ZFAND5: variants seen among roughly 807,000 people sequenced by gnomAD.
The protein encoded by ZFAND5 is AN1-type zinc finger protein 5.
Under a neutral mutation model 23.6 loss-of-function variants are expected in ZFAND5, and 4 were observed. The observed-to-expected ratio is 0.17, with a 90% CI of 0.08 to 0.39. The LOEUF (loss-of-function observed/expected upper bound fraction) is 0.39, where lower values mean the gene tolerates loss of function less well. Ranked by LOEUF, ZFAND5 falls within the 10% of genes least tolerant of loss-of-function variation. The pLI is 1.00. For missense variants in ZFAND5, 161 were observed against 253.7 expected (o/e 0.63, Z 2.48); for synonymous variants, 68 against 80.6 (o/e 0.84, Z 0.84).
At chr9:72,357,746 G>T (rs1841985171) in intron 5 of ZFAND5, among the ~76,000 whole-genome samples, 1 of 152,034 alleles carries the variant, frequency 6.6e-6, no homozygotes, top group South Asian at 2.1e-4. Flanking sequence ...TCCACAGGCA[G>T]AACAAGAATC....
chr9:72,356,713 G>A (rs966607840), intron 6 of ZFAND5, among the ~76,000 whole-genome samples: 2 of 152,052 alleles, frequency 1.3e-5, no homozygotes, highest in African/African-American at 4.8e-5. Flanking sequence ...TAAAATAAGA[G>A]GGCCTGAGTT....
rs12006111 is a variant in ZFAND5, at chr9:72,364,681, C to T, written c.-147+15G>A. ...CAAGGAGCCCGGCTCCCACCCGCAG[C>T]CCCGTATCACTCACCCTGCAGGGTC... On this transcript the variant is annotated intron_variant, in intron 1 of 6. Coordinates refer to ENST00000376962, the MANE Select transcript of ZFAND5 (RefSeq NM_001102420.3). 4,918 of 1,051,374 alleles carry T rather than the reference C, an allele frequency of 4.7e-3. 171 individuals are homozygous for T. The African/African-American group carries it at 0.076, about 16-fold the overall frequency. 65.1% of individuals were successfully genotyped at this position (1,051,374 alleles called of 1,614,324 possible).
chr9:72,362,888 A>G (rs527294327), intron 2 of ZFAND5, among the ~76,000 whole-genome samples: 1 of 152,338 alleles, frequency 6.6e-6, no homozygotes, highest in East Asian at 1.9e-4. Flanking sequence ...AGCCTAGTCA[A>G]CAGGGGCCTC....
chr9:72,362,497 G>C, intron 2 of ZFAND5, among the ~76,000 whole-genome samples: 1 of 151,666 alleles, frequency 6.6e-6, no homozygotes. Context: ...AAGGCCAAGC[G>C]ATCAACCTAC....
chr9:72,361,854 A>T (rs1842113716), intron 2 of ZFAND5, among the ~76,000 whole-genome samples: 1 of 152,242 alleles, frequency 6.6e-6, no homozygotes, highest in African/African-American at 2.4e-5. Context: ...TACAAAAAGC[A>T]TATTTGAGAG....
chr9:72,363,533 C>T lies in ZFAND5; in HGVS notation c.-73G>A. On this transcript the variant is annotated 5_prime_UTR_variant, in exon 2 of 7. Transcript: ENST00000376962. ...ACTAAGTCAGTGACCTTGGGCAAGT[C>T]CTTACTTTCCAGATTTCAGTTCCCT... is the stretch of plus-strand genomic sequence containing the variant. The T allele has an allele frequency of 1.3e-6, 1 of 767,590 alleles. No individual in the cohort carries two copies. Among genetic ancestry groups the T allele is most frequent in the Non-Finnish European group, 1.6e-6 (1 of 630,790 alleles). 47.5% of individuals were successfully genotyped at this position (767,590 alleles called of 1,614,324 possible).
In ZFAND5 at chr9:72,352,179, G is replaced by A. The variant is rs1048946620; in HGVS notation, c.*3774C>T. ...ACAAAAAACATTAGCCAGGTGTGGT[G>A]ACGGGTGCCTGTAGTCCCAACTACT... On this transcript the variant is annotated 3_prime_UTR_variant, in exon 7 of 7. Transcript: ENST00000376962. 3.9e-5 allele frequency: 6 copies of A among 152,118 alleles called. No individual in the cohort carries two copies. Among genetic ancestry groups the A allele is most frequent in the African/African-American group, 1.4e-4 (6 of 41,404 alleles). The allele number at this position is 152,118 out of a possible 1,614,324, so 9.4% of individuals were successfully genotyped here. A position where few individuals can be genotyped will look rare whatever the true frequency, so the allele number is the denominator to read the frequency against.
At chr9:72,364,545 G>T in intron 1 of ZFAND5, 151 bp downstream of exon 1, 1 of 1,275,244 alleles carries the variant, frequency 7.8e-7, no homozygotes. Flanking sequence ...TGTGCTTCCT[G>T]GGCTGGCGGG....
chr9:72,355,907 T>C lies in ZFAND5; in HGVS notation c.*46A>G. On this transcript the variant is annotated 3_prime_UTR_variant, in exon 7 of 7. Transcript: ENST00000376962. ...TCTGCTCTTTAATGTTTTCCTACGA[T>C]ATATTAAAATAAAAACAAAGTTTCA... The C allele has an allele frequency of 6.4e-7, 1 of 1,558,398 alleles. No homozygotes were observed. Among genetic ancestry groups the C allele is most frequent in the Non-Finnish European group, 8.7e-7 (1 of 1,151,876 alleles).
At position 72,355,259 on chromosome 9, in the gene ZFAND5, T is replaced by C. The variant is rs1841910187; in HGVS notation, c.*694A>G. On this transcript the variant is annotated 3_prime_UTR_variant, in exon 7 of 7. Coordinates refer to ENST00000376962, the MANE Select transcript of ZFAND5 (RefSeq NM_001102420.3). ...TTTAGCAATGAGTAATGCAGACATCTTCTGGTGCAGGCCAGTACAATAAGC... is the reference window on the plus strand; with the variant it reads ...TTTAGCAATGAGTAATGCAGACATCCTCTGGTGCAGGCCAGTACAATAAGC... The C allele has an allele frequency of 1.3e-5, 2 of 152,800 alleles. No homozygotes were observed. Among genetic ancestry groups the C allele is most frequent in the East Asian group, 3.9e-4 (2 of 5,192 alleles). The allele number at this position is 152,800 out of a possible 1,614,324, so 9.5% of individuals were successfully genotyped here. A position where few individuals can be genotyped will look rare whatever the true frequency, so the allele number is the denominator to read the frequency against.
At position 72,352,348 on chromosome 9, in the gene ZFAND5, C is replaced by T. The variant is rs1369792243; in HGVS notation, c.*3605G>A. On this transcript the variant is annotated 3_prime_UTR_variant, in exon 7 of 7. Coordinates refer to ENST00000376962, the MANE Select transcript of ZFAND5 (RefSeq NM_001102420.3). ...AAACAAAAACAGACAAGAGTCAAAT[C>T]AAGTCTTTGTACATATTCAAATATT... 1 of 152,106 alleles carries T rather than the reference C, an allele frequency of 6.6e-6. No homozygotes were observed. Among genetic ancestry groups the T allele is most frequent in the African/African-American group, 2.4e-5 (1 of 41,426 alleles). The allele number at this position is 152,106 out of a possible 1,614,324, so 9.4% of individuals were successfully genotyped here. A position where few individuals can be genotyped will look rare whatever the true frequency, so the allele number is the denominator to read the frequency against.
At chr9:72,357,113 C>A in intron 5 of ZFAND5, 57 bp from the exon 6 acceptor site, 3 of 1,572,262 alleles carry the variant, frequency 1.9e-6, no homozygotes, top group East Asian at 2.3e-5. Flanking sequence ...ATTTTTAAGT[C>A]AAAAAAGGAA....
Position 72,352,573 on chromosome 9 carries a change from C to G in ZFAND5, c.*3380G>C, listed in dbSNP as rs1354138592. On this transcript the variant is annotated 3_prime_UTR_variant, in exon 7 of 7. Transcript: ENST00000376962. ...ATCTTGCTATTATTAGATTATTTCC[C>G]CAATTTTAGTTATTTCCTAGCAACT... is the stretch of plus-strand genomic sequence containing the variant. 6.6e-6 allele frequency: 1 copy of G among 152,052 alleles called. No homozygotes were observed. Among genetic ancestry groups the G allele is most frequent in the African/African-American group, 2.4e-5 (1 of 41,384 alleles). 9.4% of individuals were successfully genotyped at this position (152,052 alleles called of 1,614,324 possible).
In ZFAND5 at chr9:72,351,546, A is replaced by G. The variant is rs894861135; in HGVS notation, c.*4407T>C. On this transcript the variant is annotated 3_prime_UTR_variant, in exon 7 of 7. Coordinates refer to ENST00000376962, the MANE Select transcript of ZFAND5 (RefSeq NM_001102420.3). The stretch of plus-strand genomic sequence containing the variant: ...ATTTAAAACCAGCACTTGTGCATAG[A>G]AATAGCTATAAAATATTAAATGGCA... 3 of 151,970 alleles carry G rather than the reference A, an allele frequency of 2.0e-5. No individual in the cohort carries two copies. The highest frequency in any genetic ancestry group is 7.2e-5 in the African/African-American group (3 of 41,404). The allele number at this position is 151,970 out of a possible 1,614,324, so 9.4% of individuals were successfully genotyped here. A position where few individuals can be genotyped will look rare whatever the true frequency, so the allele number is the denominator to read the frequency against.
At position 72,359,470 on chromosome 9, in the gene ZFAND5, G is replaced by C; in HGVS notation, c.315C>G (p.Ser105Arg). ...TAGTTATTTTGTCCTCTCTTGAAATGCTCATTTCTGTCATTTGCTGAGTTA... is the reference window on the plus strand; with the variant it reads ...TAGTTATTTTGTCCTCTCTTGAAATCCTCATTTCTGTCATTTGCTGAGTTA... ...LPVTQQMTEM[S>R]ISREDKITTP... The change falls in exon 5 of 7, where the codon AGC becomes AGG. Residue 105 changes from serine (S) to arginine (R), a missense_variant. Physicochemically the swap from Ser to Arg is moderately radical, Grantham distance 110 (BLOSUM62 -1). Transcript: ENST00000376962. 6.2e-7 allele frequency: 1 copy of C among 1,613,622 alleles called. No homozygotes were observed. The highest frequency in any genetic ancestry group is 8.5e-7 in the Non-Finnish European group (1 of 1,179,708).
At position 72,356,777 on chromosome 9, in the gene ZFAND5, C is replaced by G. The variant is rs569633802; in HGVS notation, c.493+154G>C. On this transcript the variant is annotated intron_variant, in intron 6 of 6. Coordinates refer to ENST00000376962, the MANE Select transcript of ZFAND5 (RefSeq NM_001102420.3). The stretch of plus-strand genomic sequence containing the variant: ...GGAAGTAAAACCCAACTTCTTTCCA[C>G]CCCAATACCACCTCCTCCACCTTTC... Among the ~76,000 whole-genome samples the G allele has an allele frequency of 2.0e-5, 3 of 151,476 alleles. No homozygotes were observed. The South Asian group carries it at 6.3e-4, about 32-fold the overall frequency.
intron 6 of ZFAND5, 94 bp downstream of exon 6, chr9:72,356,837 T>A (rs1587870555): frequency 3.3e-6 from 4 of 1,219,682 alleles, no homozygotes; most frequent in East Asian, 2.7e-5. Context: ...TTTTTTTTTT[T>A]TATGTGTAAG....
Position 72,355,344 on chromosome 9 carries a change from G to A in ZFAND5, c.*609C>T, listed in dbSNP as rs1841914266. ...GATGGTTTTACTTATAACCAGTTTC[G>A]ATGTTTACCTTTCACAGAATGTCTT... is the stretch of plus-strand genomic sequence containing the variant. On this transcript the variant is annotated 3_prime_UTR_variant, in exon 7 of 7. Transcript: ENST00000376962. 3 of 152,564 alleles carry A rather than the reference G, an allele frequency of 2.0e-5. No homozygotes were observed. Among genetic ancestry groups the A allele is most frequent in the South Asian group, 2.1e-4 (1 of 4,822 alleles). 9.5% of individuals were successfully genotyped at this position (152,564 alleles called of 1,614,324 possible).
At chr9:72,364,661 A>C (rs1309778789) in intron 1 of ZFAND5, 35 bp downstream of exon 1, 2 of 1,122,134 alleles carry the variant, frequency 1.8e-6, no homozygotes, top group Non-Finnish European at 2.2e-6. Context: ...GGCAACAAGG[A>C]GCCCGGCTCC....
Sources: allele counts gnomAD v4.1 joint callset (sites outside exome capture counted in the v4.1 genomes callset), GRCh38; gene constraint gnomAD v4.1.1; transcripts MANE v1.5; gene names NCBI Gene and HGNC (gene_info 2026-07-23, HGNC 2026-07-21).